Variants in RIDA observed in about 807,000 individuals in gnomAD.
The protein encoded by RIDA is 2-iminobutanoate/2-iminopropanoate deaminase.
Under a neutral mutation model 17.8 loss-of-function variants are expected in RIDA, and 17 were observed. The ratio of observed to expected loss-of-function variants is 0.96; its 90% CI spans 0.65 to 1.43. RIDA has a LOEUF of 1.43. RIDA is among the 40% of genes most tolerant of loss of function. RIDA has a pLI of 0.00. For missense variants in RIDA, 158 were observed against 161.7 expected (o/e 0.98, Z 0.12); for synonymous variants, 48 against 55.7 (o/e 0.86, Z 0.62).
chr8:98,107,524 GAAACA>G (rs1009926516), intron 2 of RIDA, among the ~76,000 whole-genome samples: 3 of 152,118 alleles, frequency 2.0e-5, no homozygotes, highest in African/African-American at 4.8e-5. Context: ...GCTGTCTCAA[GAAACA>G]AAACAAAACA....
intron 5 of RIDA, among the ~76,000 whole-genome samples, chr8:98,103,378 A>G (rs181590090): frequency 4.6e-5 from 7 of 152,366 alleles, no homozygotes. Context: ...AGAAACTGCA[A>G]GTGGAAGTCA....
At chr8:98,116,946 T>TG in intron 1 of RIDA, 86 bp downstream of exon 1, 1 of 1,082,640 alleles carries the variant, frequency 9.2e-7, no homozygotes, top group East Asian at 2.4e-5. Flanking sequence ...GCGTGTTAGC[T>TG]GGGGCTCCGG....
intron 2 of RIDA, among the ~76,000 whole-genome samples, chr8:98,107,872 C>T (rs1310296708): frequency 1.3e-5 from 2 of 151,966 alleles, no homozygotes; most frequent in Non-Finnish European, 2.9e-5. Context: ...CGGGTTCAAA[C>T]GATTCTCATG....
At chr8:98,102,949 T>C (rs772953677) in intron 5 of RIDA, 45 bp from the exon 6 acceptor site, 11 of 1,416,444 alleles carry the variant, frequency 7.8e-6, no homozygotes, top group Non-Finnish European at 1.0e-5. Context: ...TTTGTACAAA[T>C]TGCAAACTCT....
Position 98,102,866 on chromosome 8 carries a change from T to C in RIDA, c.390A>G (p.Gly130=), listed in dbSNP as rs1242464261. 2 of 1,613,408 alleles carry C rather than the reference T, an allele frequency of 1.2e-6. No homozygotes were observed. The highest frequency in any genetic ancestry group is 1.7e-6 in the Non-Finnish European group (2 of 1,179,478). The change falls in exon 6 of 6, where the codon GGA becomes GGG. Residue 130 remains glycine (G), a synonymous_variant. Transcript: ENST00000254878. ...CTTATAGTGATGCCGTTGTCAGTGGTCCTTGGATAGCTACTGCTTCAATTT... is the reference window on the plus strand; with the variant it reads ...CTTATAGTGATGCCGTTGTCAGTGGCCCTTGGATAGCTACTGCTTCAATTT... ...RIEIEAVAIQ[G]PLTTASL is the part of the protein sequence containing the mutation.
In RIDA at chr8:98,112,782, T is replaced by C. The variant is rs1012538705; in HGVS notation, c.66-4031A>G. ...TGCCCTAGGTCCTGTGCAAAGTGCC[T>C]TCAGCTTTCCCCATATCTGAAACAC... On this transcript the variant is annotated intron_variant, in intron 1 of 5. Coordinates refer to ENST00000254878, the MANE Select transcript of RIDA (RefSeq NM_005836.3). Among the ~76,000 whole-genome samples the C allele has an allele frequency of 2.6e-5, 4 of 152,246 alleles. No homozygotes were observed. The South Asian group carries it at 8.3e-4, about 31-fold the overall frequency.
chr8:98,108,792 A>C, intron 1 of RIDA, 41 bp from the exon 2 acceptor site: 1 of 1,328,332 alleles, frequency 7.5e-7, no homozygotes, highest in South Asian at 1.2e-5. Flanking sequence ...GTAAGTATAA[A>C]ACATAAAATT....
intron 1 of RIDA, among the ~76,000 whole-genome samples, chr8:98,116,687 C>A (rs145145752): frequency 1.2e-3 from 178 of 151,442 alleles, no homozygotes; most frequent in African/African-American, 4.0e-3. Context: ...GGGGGTGAAT[C>A]TTACGGTACG....
intron 5 of RIDA, among the ~76,000 whole-genome samples, 192 bp downstream of exon 5, chr8:98,104,297 G>C (rs889004626): frequency 2.6e-5 from 4 of 152,006 alleles, no homozygotes; most frequent in African/African-American, 7.2e-5. Flanking sequence ...ATGTTGCCCA[G>C]GCTGGTCTAG....
At chr8:98,113,413 A>G (rs1297622006) in intron 1 of RIDA, among the ~76,000 whole-genome samples, 1 of 152,216 alleles carries the variant, frequency 6.6e-6, no homozygotes. Flanking sequence ...AAACATGTCC[A>G]ATTAACATAA....
intron 1 of RIDA, among the ~76,000 whole-genome samples, chr8:98,116,233 A>G (rs371701058): frequency 2.6e-5 from 4 of 152,178 alleles, no homozygotes; most frequent in Admixed American, 6.5e-5. Context: ...CCCCAAGTTA[A>G]AATCAATTTG....
chr8:98,110,345 C>G (rs1815708427), intron 1 of RIDA, among the ~76,000 whole-genome samples: 1 of 144,152 alleles, frequency 6.9e-6, no homozygotes. Context: ...TCACTGCAAC[C>G]TCCGCCTCCC....
Position 98,104,509 on chromosome 8 carries a change from G to A in RIDA, c.331C>T (p.Gln111Ter), listed in dbSNP as rs964391859. 1 of 1,593,440 alleles carries A rather than the reference G, an allele frequency of 6.3e-7. No individual in the cohort carries two copies. Among genetic ancestry groups the A allele is most frequent in the African/African-American group, 1.3e-5 (1 of 74,448 alleles). The change falls in exon 5 of 6, where the codon CAA becomes TAA. Residue 111 changes from glutamine (Q) to a stop codon, truncating the protein, a stop_gained. Coordinates refer to ENST00000254878, the MANE Select transcript of RIDA (RefSeq NM_005836.3). LOFTEE classifies it high-confidence loss of function. ...CTTACTTTGGGTAAAGCAGCAACTT[G>A]GTAAGCAGCTCTAGCAGGAAAATTA... is the stretch of plus-strand genomic sequence containing the variant. ...KSNFPARAAY[Q>*]VAALPKGSRI...
chr8:98,108,781 T>C, intron 1 of RIDA, 30 bp from the exon 2 acceptor site: 2 of 1,402,688 alleles, frequency 1.4e-6, no homozygotes, highest in Non-Finnish European at 2.0e-6. Context: ...AGTGTATTTA[T>C]GTAAGTATAA....
chr8:98,103,798 G>A (rs1295370497), intron 5 of RIDA, among the ~76,000 whole-genome samples: 1 of 151,800 alleles, frequency 6.6e-6, no homozygotes, highest in Admixed American at 6.6e-5. Flanking sequence ...CACCACACCC[G>A]GCTAATTTTT....
chr8:98,106,063 A>G, intron 3 of RIDA, 57 bp from the exon 4 acceptor site: 1 of 1,292,020 alleles, frequency 7.7e-7, no homozygotes, highest in Non-Finnish European at 1.1e-6. Flanking sequence ...CCAAAACATT[A>G]CTTAGAAAAA....
intron 1 of RIDA, among the ~76,000 whole-genome samples, chr8:98,111,036 T>C (rs1031368060): frequency 2.0e-5 from 3 of 152,208 alleles, no homozygotes; most frequent in Admixed American, 1.3e-4. Flanking sequence ...AGCCTCTTTA[T>C]AAATACTCGG....
chr8:98,104,892 G>T (rs964150249), intron 4 of RIDA, among the ~76,000 whole-genome samples: 4 of 151,872 alleles, frequency 2.6e-5, no homozygotes, highest in Non-Finnish European at 5.9e-5. Flanking sequence ...TGTATTTTTA[G>T]TAGAGTCGGG....
Position 98,108,717 on chromosome 8 carries a change from A to C in RIDA, c.100T>G (p.Ser34Ala). ...AVLVDRTIYI[S>A]GQIGMDPSSG... Reference sequence around the variant, plus strand: ...GAAGGGTCCATGCCTATCTGTCCTGAAATGTAAATGGTCCTGTCGACTAAT... The same window carrying C: ...GAAGGGTCCATGCCTATCTGTCCTGCAATGTAAATGGTCCTGTCGACTAAT... Residue 34 changes from serine (S) to alanine (A), a missense_variant, in exon 2 of 6, where the codon TCA (serine) becomes GCA (alanine). Physicochemically the swap from Ser to Ala is moderately conservative, Grantham distance 99. Coordinates refer to ENST00000254878, the MANE Select transcript of RIDA (RefSeq NM_005836.3). The C allele has an allele frequency of 6.2e-7, 1 of 1,613,550 alleles. No homozygotes were observed. Among genetic ancestry groups the C allele is most frequent in the Non-Finnish European group, 8.5e-7 (1 of 1,179,510 alleles).
Sources: gnomAD v4.1 joint callset for allele counts (sites outside exome capture counted in the v4.1 genomes callset) on GRCh38, gnomAD v4.1.1 for gene constraint, MANE v1.5 for transcripts, NCBI Gene and HGNC (gene_info 2026-07-23, HGNC 2026-07-21) for gene names.